IL1RAPL1: variants seen among roughly 807,000 people sequenced by gnomAD.
IL1RAPL1 encodes the protein interleukin-1 receptor accessory protein-like 1.
A neutral mutation model predicts 48.4 loss-of-function variants in IL1RAPL1; 3 were observed. The observed-to-expected ratio is 0.06, with a 90% CI of 0.03 to 0.16. The LOEUF is 0.16. IL1RAPL1 is among the 10% of genes least tolerant of loss of function. IL1RAPL1 has a pLI of 1.00. For synonymous variants in IL1RAPL1, 185 were observed against 187.7 expected (o/e 0.99, Z 0.12); for missense variants, 349 against 530.6 (o/e 0.66, Z 3.36).
intron 5 of IL1RAPL1, among the ~76,000 whole-genome samples, chrX:29,420,030 G>A (rs1934272093): frequency 8.9e-6 from 1 of 111,857 alleles, no homozygotes; most frequent in African/African-American, 3.3e-5. Flanking sequence ...AAGTAGATAT[G>A]CTTTTTCCCT....
intron 5 of IL1RAPL1, among the ~76,000 whole-genome samples, chrX:29,440,325 G>A (rs891591287): frequency 9.0e-6 from 1 of 111,231 alleles, no homozygotes; most frequent in East Asian, 2.8e-4. Context: ...ATCCTTACCT[G>A]CATGGAATGA....
chrX:29,531,871 G>A (rs1172085731), intron 5 of IL1RAPL1, among the ~76,000 whole-genome samples: 1 of 111,514 alleles, frequency 9.0e-6, no homozygotes, highest in Non-Finnish European at 1.9e-5. Context: ...TCTTCACATG[G>A]TTATTTTGTT....
chrX:29,816,224 G>A (rs941423729), intron 6 of IL1RAPL1, among the ~76,000 whole-genome samples: 1 of 110,688 alleles, frequency 9.0e-6, no homozygotes, highest in Non-Finnish European at 1.9e-5. Flanking sequence ...AGCCCAATCA[G>A]ATATTACAAA....
At chrX:29,769,164 A>G (rs1010899856) in intron 6 of IL1RAPL1, among the ~76,000 whole-genome samples, 1 of 111,304 alleles carries the variant, frequency 9.0e-6, no homozygotes, top group Non-Finnish European at 1.9e-5. Flanking sequence ...CTTCTTTCAC[A>G]TTGATGTTTT....
Position 29,803,176 on chromosome X carries a change from CATATATGTATATATGTAT to C in IL1RAPL1, c.779-114286_779-114269del, listed in dbSNP as rs763358847. 2.5e-3 allele frequency among the ~76,000 whole-genome samples: 123 copies of C among 49,557 alleles called. 3 individuals are homozygous for C. The highest frequency in any genetic ancestry group is 0.031 in the Middle Eastern group (1 of 32). The allele number at this position is 49,557 out of a possible 115,157, so 43.0% of individuals were successfully genotyped here. A position where few individuals can be genotyped will look rare whatever the true frequency, so the allele number is the denominator to read the frequency against. Reference sequence around the variant, plus strand: ...GTATACATGCATACACATATGCATACATATATGTATATATGTATACATATACACACATGTATATATGTA... The same window carrying C: ...GTATACATGCATACACATATGCATACACATATACACACATGTATATATGTA... On this transcript the variant is annotated intron_variant, in intron 6 of 10. Transcript: ENST00000378993.
At chrX:29,126,924 A>G (rs1928910085) in intron 2 of IL1RAPL1, among the ~76,000 whole-genome samples, 1 of 111,715 alleles carries the variant, frequency 9.0e-6, no homozygotes, top group Non-Finnish European at 1.9e-5. Flanking sequence ...ATGAAGAACA[A>G]CAGTTAAGCT....
At chrX:28,789,555 T>C (rs1936511726) in intron 2 of IL1RAPL1, 130 bp downstream of exon 2, 1 of 511,110 alleles carries the variant, frequency 2.0e-6, no homozygotes, top group Non-Finnish European at 3.5e-6. Flanking sequence ...TTGTAGATAT[T>C]ATGAGTAAAT....
At chrX:28,897,781 T>C (rs1297117400) in intron 2 of IL1RAPL1, among the ~76,000 whole-genome samples, 1 of 111,721 alleles carries the variant, frequency 9.0e-6, no homozygotes, top group Non-Finnish European at 1.9e-5. Context: ...TTTAATCACC[T>C]GGGTGCAGGT....
At chrX:28,903,458 G>A (rs192629405) in intron 2 of IL1RAPL1, among the ~76,000 whole-genome samples, 8 of 101,937 alleles carry the variant, frequency 7.8e-5, no homozygotes, top group Admixed American at 3.2e-4. Flanking sequence ...TCACAGGCAT[G>A]AGCCACCATG....
intron 5 of IL1RAPL1, among the ~76,000 whole-genome samples, chrX:29,537,639 AAC>A (rs1556032158): frequency 2.7e-5 from 3 of 110,256 alleles, no homozygotes; most frequent in African/African-American, 6.6e-5. Context: ...AAAAAAAAAA[AAC>A]AACCTGGTGA....
intron 5 of IL1RAPL1, among the ~76,000 whole-genome samples, chrX:29,494,740 C>T (rs1209910386): frequency 1.8e-5 from 2 of 112,288 alleles, no homozygotes; most frequent in African/African-American, 6.5e-5. Flanking sequence ...TGGCTCTAAA[C>T]TTACTAAATG....
At chrX:28,867,958 G>T (rs974306188) in intron 2 of IL1RAPL1, among the ~76,000 whole-genome samples, 1 of 111,476 alleles carries the variant, frequency 9.0e-6, no homozygotes, top group African/African-American at 3.3e-5. Context: ...ACACTTGTCA[G>T]ATATTTCAAA....
At chrX:29,704,181 C>T (rs188294723) in intron 6 of IL1RAPL1, among the ~76,000 whole-genome samples, 13 of 110,617 alleles carry the variant, frequency 1.2e-4, no homozygotes, top group Admixed American at 8.7e-4. Flanking sequence ...CCTCCTGCCT[C>T]GGCCTCCCAA....
At chrX:28,609,736 C>T (rs1192636591) in intron 1 of IL1RAPL1, among the ~76,000 whole-genome samples, 2 of 109,302 alleles carry the variant, frequency 1.8e-5, no homozygotes, top group African/African-American at 6.7e-5. Flanking sequence ...CTCTAATACC[C>T]ATCTCAGATA....
chrX:29,780,185 T>G (rs1345742380), intron 6 of IL1RAPL1, among the ~76,000 whole-genome samples: 1 of 111,957 alleles, frequency 8.9e-6, no homozygotes, highest in African/African-American at 3.2e-5. Context: ...TCCTTTTTAC[T>G]GTGCATGTGT....
intron 3 of IL1RAPL1, among the ~76,000 whole-genome samples, chrX:29,335,768 C>T (rs1011244164): frequency 1.8e-5 from 2 of 111,542 alleles, no homozygotes; most frequent in African/African-American, 6.5e-5. Flanking sequence ...AGGACAAGTA[C>T]TTTGTGACAG....
intron 2 of IL1RAPL1, among the ~76,000 whole-genome samples, chrX:28,965,554 C>T (rs983305469): frequency 1.8e-5 from 2 of 111,941 alleles, no homozygotes; most frequent in African/African-American, 6.5e-5. Flanking sequence ...TTCAAAACTT[C>T]ACAACTCATT....
chrX:29,611,443 T>C (rs1476378455), intron 5 of IL1RAPL1, among the ~76,000 whole-genome samples: 1 of 111,818 alleles, frequency 8.9e-6, no homozygotes, highest in Non-Finnish European at 1.9e-5. Context: ...TTGTGCCACC[T>C]TTCTGTACCA....
intron 5 of IL1RAPL1, among the ~76,000 whole-genome samples, chrX:29,418,120 TATA>T (rs1294041093): frequency 0.021 from 728 of 35,094 alleles, 19 homozygotes; most frequent in African/African-American, 0.065. Context: ...TATATATATA[TATA>T]TATTTTTTTT....
Sources: allele counts gnomAD v4.1 joint callset (sites outside exome capture counted in the v4.1 genomes callset), GRCh38; gene constraint gnomAD v4.1.1; transcripts MANE v1.5; gene names NCBI Gene and HGNC (gene_info 2026-07-23, HGNC 2026-07-21).